Variants in MIS18BP1 observed in about 807,000 individuals in gnomAD.
MIS18BP1 encodes the protein mis18-binding protein 1.
A neutral mutation model predicts 116.1 loss-of-function variants in MIS18BP1; 72 were observed. The ratio of observed to expected loss-of-function variants is 0.62; its 90% CI spans 0.51 to 0.75. MIS18BP1 has a LOEUF of 0.75. MIS18BP1 is among the 30% of genes least tolerant of loss of function. The pLI is 0.00. For missense variants in MIS18BP1, 1,363 were observed against 1,303.2 expected (o/e 1.05, Z -0.71); for synonymous variants, 386 against 427.0 (o/e 0.90, Z 1.18).
intron 13 of MIS18BP1, among the ~76,000 whole-genome samples, chr14:45,210,840 A>C (rs28531936): frequency 0.18 from 27,629 of 152,056 alleles, 3,342 homozygotes; most frequent in African/African-American, 0.34. Context: ...TACCATAAAT[A>C]CAGCCCTTAG....
In MIS18BP1 at chr14:45,224,417, G is replaced by T; in HGVS notation, c.2170C>A (p.Arg724=). 1.2e-6 allele frequency: 2 copies of T among 1,613,646 alleles called. No individual in the cohort carries two copies. The highest frequency in any genetic ancestry group is 1.7e-5 in the Admixed American group (1 of 59,964). Residue 724 remains arginine (R), a synonymous_variant, in exon 11 of 17, where the codon CGG becomes AGG. Coordinates refer to ENST00000310806, the MANE Select transcript of MIS18BP1 (RefSeq NM_018353.5). ...CDERDLLTVN[R]KIKISNLEKE... The stretch of plus-strand genomic sequence containing the variant: ...TCAAGGTTAGATATTTTTATTTTCC[G>T]GTTGACAGTAAGTAAGTCACGTTCA...
chr14:45,231,682 G>A (rs1296529524), intron 7 of MIS18BP1, among the ~76,000 whole-genome samples: 1 of 152,282 alleles, frequency 6.6e-6, no homozygotes, highest in East Asian at 1.9e-4. Context: ...TGCTACAAAG[G>A]CAGAGTTGAA....
intron 12 of MIS18BP1, 110 bp from the exon 13 acceptor site, chr14:45,217,289 A>C (rs369140639): frequency 3.0e-4 from 396 of 1,313,552 alleles, no homozygotes; most frequent in African/African-American, 8.2e-4. Context: ...TTAAAAAAAA[A>C]CCAAAAAACT....
chr14:45,236,020 T>C (rs756559252), intron 5 of MIS18BP1, 76 bp from the exon 6 acceptor site: 21 of 1,293,814 alleles, frequency 1.6e-5, no homozygotes, highest in East Asian at 2.5e-5. Flanking sequence ...TTTTACACTT[T>C]AGCTACAGCA....
At chr14:45,223,551 G>A (rs76251356) in intron 11 of MIS18BP1, among the ~76,000 whole-genome samples, 11,944 of 152,196 alleles carry the variant, frequency 0.078, 623 homozygotes, top group South Asian at 0.16. Flanking sequence ...ACTCCAGACG[G>A]GGCAGCAGGG....
intron 6 of MIS18BP1, among the ~76,000 whole-genome samples, chr14:45,235,613 A>G (rs1397584703): frequency 2.0e-5 from 3 of 151,912 alleles, no homozygotes; most frequent in Non-Finnish European, 2.9e-5. Context: ...AAAAACAAAA[A>G]CACATAACTT....
In MIS18BP1 at chr14:45,224,433, G is replaced by T; in HGVS notation, c.2154C>A (p.Asp718Glu). ...SKNKEDCDERDLLTVNRKIKI... is the reference protein window; with the variant it reads ...SKNKEDCDERELLTVNRKIKI... Reference sequence around the variant, plus strand: ...TTATTTTCCGGTTGACAGTAAGTAAGTCACGTTCATCGCAATCTTCCTTGT... The same window carrying T: ...TTATTTTCCGGTTGACAGTAAGTAATTCACGTTCATCGCAATCTTCCTTGT... Residue 718 changes from aspartate to glutamate, a missense_variant, in exon 11 of 17, where the codon GAC becomes GAA. Physicochemically the swap from Asp to Glu is conservative, Grantham distance 45. Coordinates refer to ENST00000310806, the MANE Select transcript of MIS18BP1 (RefSeq NM_018353.5). The T allele has an allele frequency of 6.2e-7, 1 of 1,613,898 alleles. No homozygotes were observed. The highest frequency in any genetic ancestry group is 8.5e-7 in the Non-Finnish European group (1 of 1,179,986).
chr14:45,233,482 G>A (rs967936671), intron 6 of MIS18BP1, among the ~76,000 whole-genome samples: 3 of 152,142 alleles, frequency 2.0e-5, no homozygotes, highest in African/African-American at 4.8e-5. Context: ...TACTTTAACT[G>A]GACTGCTAAA....
chr14:45,225,011 C>T (rs181450357), intron 10 of MIS18BP1, among the ~76,000 whole-genome samples: 2 of 152,230 alleles, frequency 1.3e-5, no homozygotes, highest in Non-Finnish European at 2.9e-5. Flanking sequence ...AGCTCCTCTG[C>T]CTGGCCTTCC....
Position 45,227,827 on chromosome 14 carries a change from A to G in MIS18BP1, c.1595-13T>C. 1 of 1,608,124 alleles carries G rather than the reference A, an allele frequency of 6.2e-7. No homozygotes were observed. The highest frequency in any genetic ancestry group is 8.5e-7 in the Non-Finnish European group (1 of 1,177,492). ...TTACTCTTCAGTTCTATGAATACAA[A>G]GATGGAGATTTCAATAAATGGTTAT... On this transcript the variant is annotated splice_polypyrimidine_tract_variant and intron_variant, in intron 8 of 16. Transcript: ENST00000310806.
At chr14:45,233,836 T>G (rs1365289029) in intron 6 of MIS18BP1, among the ~76,000 whole-genome samples, 2 of 152,112 alleles carry the variant, frequency 1.3e-5, no homozygotes. Context: ...GACATCCTAG[T>G]GGAGATGTCA....
chr14:45,233,535 A>G (rs1891344830), intron 6 of MIS18BP1, among the ~76,000 whole-genome samples: 1 of 152,194 alleles, frequency 6.6e-6, no homozygotes, highest in Admixed American at 6.5e-5. Context: ...GAGCAAGGGA[A>G]GAAAGAATGA....
At chr14:45,230,779 G>T (rs143076380) in intron 8 of MIS18BP1, among the ~76,000 whole-genome samples, 13 of 152,096 alleles carry the variant, frequency 8.5e-5, no homozygotes, top group Non-Finnish European at 1.8e-4. Context: ...ACTACCATGT[G>T]TGGCTAATTT....
intron 4 of MIS18BP1, among the ~76,000 whole-genome samples, chr14:45,239,806 G>C (rs991463112): frequency 2.6e-5 from 4 of 152,214 alleles, no homozygotes; most frequent in Non-Finnish European, 5.9e-5. Flanking sequence ...TGGTTGAACA[G>C]TGAGAAGAGG....
chr14:45,226,798 C>G lies in MIS18BP1; in HGVS notation c.1785G>C (p.Lys595Asn), dbSNP rs1408808714. ...IGKKEYKMSS[K>N]KLKIGERTNE... ...TTGTTCTTTCACCAATTTTTAGTTTCTTTGAAGACATTTTATATTCTTTTT... is the reference window on the plus strand; with the variant it reads ...TTGTTCTTTCACCAATTTTTAGTTTGTTTGAAGACATTTTATATTCTTTTT... Residue 595 changes from lysine to asparagine, a missense_variant, in exon 10 of 17, where the codon AAG (lysine) becomes AAC (asparagine). By Grantham distance (94) the Lys-to-Asn change is moderately conservative. Coordinates refer to ENST00000310806, the MANE Select transcript of MIS18BP1 (RefSeq NM_018353.5). The G allele has an allele frequency of 1.4e-6, 2 of 1,411,212 alleles. No homozygotes were observed. The highest frequency in any genetic ancestry group is 1.4e-5 in the South Asian group (1 of 72,066). 87.4% of individuals were successfully genotyped at this position (1,411,212 alleles called of 1,614,324 possible). A position where few individuals can be genotyped will look rare whatever the true frequency, so the allele number is the denominator to read the frequency against.
intron 2 of MIS18BP1, among the ~76,000 whole-genome samples, chr14:45,243,415 G>A (rs1891638148): frequency 6.6e-6 from 1 of 151,946 alleles, no homozygotes; most frequent in Non-Finnish European, 1.5e-5. Flanking sequence ...AGAAGTTGTA[G>A]GTTTCTCAAC....
At position 45,209,334 on chromosome 14, in the gene MIS18BP1, C is replaced by CT. The variant is rs200290878; in HGVS notation, c.3152+1045dup. ...CAATAAAAAATATCTTCATTAATTT[C>CT]TTTTTTTTTTGAGACAGGATCTCAC... On this transcript the variant is annotated intron_variant, in intron 14 of 16. Transcript: ENST00000310806. Among the ~76,000 whole-genome samples, 958 of 148,324 alleles carry CT rather than the reference C, an allele frequency of 6.5e-3. 32 individuals are homozygous for CT. The highest frequency in any genetic ancestry group is 0.047 in the Admixed American group (691 of 14,826).
In MIS18BP1 at chr14:45,227,806, T is replaced by C. The variant is rs1333623657; in HGVS notation, c.1603A>G (p.Ser535Gly). ...DFDCDNLELK[S>G]NKHSESPGAT... The stretch of plus-strand genomic sequence containing the variant: ...CCTGGTGACTCACTGTGCTTATTAC[T>C]CTTCAGTTCTATGAATACAAAGATG... Residue 535 changes from serine (S) to glycine (G), a missense_variant, in exon 9 of 17, where the codon AGT becomes GGT. Transcript: ENST00000310806. The C allele has an allele frequency of 6.2e-7, 1 of 1,613,298 alleles. No individual in the cohort carries two copies. The highest frequency in any genetic ancestry group is 8.5e-7 in the Non-Finnish European group (1 of 1,179,624).
At chr14:45,205,569 T>C (rs1249089785) in intron 15 of MIS18BP1, among the ~76,000 whole-genome samples, 2 of 152,144 alleles carry the variant, frequency 1.3e-5, no homozygotes, top group African/African-American at 4.8e-5. Flanking sequence ...TATTAAGGCA[T>C]CTTTCAGTTA....
Sources: allele counts gnomAD v4.1 joint callset (sites outside exome capture counted in the v4.1 genomes callset), GRCh38; gene constraint gnomAD v4.1.1; transcripts MANE v1.5; gene names NCBI Gene and HGNC (gene_info 2026-07-23, HGNC 2026-07-21).